The following MGAT4C variants were observed in gnomAD, a reference collection of about 807,000 sequenced individuals.
The protein encoded by MGAT4C is MGAT4 family member C.
A neutral mutation model predicts 40.1 loss-of-function variants in MGAT4C; 19 were observed. The ratio of observed to expected loss-of-function variants is 0.47; its 90% CI spans 0.33 to 0.70. MGAT4C has a LOEUF of 0.70. Among genes scored for constraint, MGAT4C ranks in the 30% least tolerant of loss-of-function variants. MGAT4C has a pLI of 0.02. For missense variants in MGAT4C, 491 were observed against 563.2 expected, an observed-to-expected ratio of 0.87 and a Z score of 1.30; for synonymous variants, 181 against 187.1, an observed-to-expected ratio of 0.97 and a Z score of 0.27.
intron 2 of MGAT4C, among the ~76,000 whole-genome samples, chr12:86,619,436 GCACCTCCA>G (rs1962567951): frequency 6.6e-6 from 1 of 151,962 alleles, no homozygotes; most frequent in African/African-American, 2.4e-5. Context: ...CAAAATACTT[GCACCTCCA>G]CATAATTCTG....
At chr12:86,603,472 A>ATATAGTC (rs1277297334) in intron 2 of MGAT4C, among the ~76,000 whole-genome samples, 1 of 119,784 alleles carries the variant, frequency 8.3e-6, no homozygotes, top group East Asian at 2.5e-4. Context: ...TATATACTAT[A>ATATAGTC]TATAGTCTAT....
chr12:86,745,797 A>C (rs990231683), intron 1 of MGAT4C, among the ~76,000 whole-genome samples: 1 of 151,668 alleles, frequency 6.6e-6, no homozygotes, highest in African/African-American at 2.4e-5. Context: ...TTGTGTCAGA[A>C]TCAAGATATG....
chr12:86,590,500 T>G (rs573636968), intron 2 of MGAT4C, among the ~76,000 whole-genome samples: 1 of 152,152 alleles, frequency 6.6e-6, no homozygotes, highest in African/African-American at 2.4e-5. Context: ...AAAATGAGCC[T>G]ATGGCAGTCA....
chr12:86,776,364 G>GTT (rs571977855), intron 1 of MGAT4C, among the ~76,000 whole-genome samples: 1 of 149,458 alleles, frequency 6.7e-6, no homozygotes, highest in Non-Finnish European at 1.5e-5. Context: ...ACTTATAACA[G>GTT]TTTTTTTTTT....
At chr12:86,807,711 A>G (rs1489591050) in intron 1 of MGAT4C, among the ~76,000 whole-genome samples, 1 of 152,154 alleles carries the variant, frequency 6.6e-6, no homozygotes, top group Non-Finnish European at 1.5e-5. Flanking sequence ...ACTGTCGTCC[A>G]TAATGGTTGA....
intron 1 of MGAT4C, among the ~76,000 whole-genome samples, chr12:86,734,437 A>G (rs766147090): frequency 6.6e-6 from 1 of 152,050 alleles, no homozygotes; most frequent in Non-Finnish European, 1.5e-5. Context: ...TCTAATGGAA[A>G]GGGGCATAGT....
chr12:86,632,014 A>C (rs1963062185), intron 2 of MGAT4C, among the ~76,000 whole-genome samples: 1 of 152,120 alleles, frequency 6.6e-6, no homozygotes, highest in Admixed American at 6.5e-5. Flanking sequence ...CATCTGACAA[A>C]GGGCTAGTGT....
chr12:86,359,666 A>G (rs1397923242), intron 3 of MGAT4C, among the ~76,000 whole-genome samples: 4 of 152,254 alleles, frequency 2.6e-5, no homozygotes, highest in African/African-American at 9.6e-5. Flanking sequence ...ACAATCCCAC[A>G]GAAATACAAA....
In MGAT4C at chr12:86,507,509, T is replaced by G. The variant is rs185924362; in HGVS notation, c.-228-72244A>C. 1.6e-3 allele frequency among the ~76,000 whole-genome samples: 237 copies of G among 152,214 alleles called. 1 individual carries two copies. The highest frequency in any genetic ancestry group is 5.5e-3 in the African/African-American group (228 of 41,570). The stretch of plus-strand genomic sequence containing the variant: ...ATGAGTGTTTGGGTTTGTTCTCTAG[T>G]TTTTTGTCATTAACCCTGTGAAGAA... On this transcript the variant is annotated intron_variant, in intron 2 of 7. Transcript: ENST00000548651.
chr12:86,739,822 GTGTGTGTATATATATTTA>G (rs1317059265), intron 1 of MGAT4C, among the ~76,000 whole-genome samples: 2 of 150,446 alleles, frequency 1.3e-5, no homozygotes, highest in Non-Finnish European at 3.0e-5. Context: ...GTGTGTGCGT[GTGTGTGTATATATATTTA>G]TTTATGTATG....
rs1883327494 is a variant in MGAT4C at position 85,965,619 on chromosome 12, A to G, written c.*13670T>C. ...CTCAAAAAAAAAAAAAAAAAAAAAA[A>G]AGGACACTCTGAACAATTGAACAAG... On this transcript the variant is annotated 3_prime_UTR_variant, in exon 5 of 5. Transcript: ENST00000611864. 6.6e-6 allele frequency: 1 copy of G among 151,974 alleles called. No homozygotes were observed. Among genetic ancestry groups the G allele is most frequent in the South Asian group, 2.1e-4 (1 of 4,814 alleles). The allele number at this position is 151,974 out of a possible 1,614,324, so 9.4% of individuals were successfully genotyped here. A position where few individuals can be genotyped will look rare whatever the true frequency, so the allele number is the denominator to read the frequency against.
chr12:86,369,358 T>C lies in MGAT4C; in HGVS notation c.-119-35231A>G, dbSNP rs185119292. Among the ~76,000 whole-genome samples the C allele has an allele frequency of 3.9e-5, 6 of 152,116 alleles. No homozygotes were observed. In the East Asian group the frequency reaches 1.2e-3, roughly 29 times the overall value. ...ATGGTAATTATGGAACTGTAAGAAC[T>C]TACTATTGCCATTTTGTTGTTTTTG... On this transcript the variant is annotated intron_variant, in intron 3 of 7. Transcript: ENST00000548651.
intron 2 of MGAT4C, among the ~76,000 whole-genome samples, chr12:86,536,697 G>C (rs1959074960): frequency 6.6e-6 from 1 of 152,122 alleles, no homozygotes; most frequent in Non-Finnish European, 1.5e-5. Context: ...TTTCTATCCA[G>C]CAGAGACCTG....
intron 2 of MGAT4C, among the ~76,000 whole-genome samples, chr12:86,440,009 G>A (rs148667499): frequency 3.9e-5 from 6 of 151,952 alleles, no homozygotes; most frequent in African/African-American, 1.5e-4. Flanking sequence ...CAAAAGTTCA[G>A]GGTCAGATGG....
intron 1 of MGAT4C, among the ~76,000 whole-genome samples, chr12:86,245,614 C>T (rs890668520): frequency 1.3e-5 from 2 of 152,076 alleles, no homozygotes; most frequent in Admixed American, 6.6e-5. Context: ...TAGTATTGTG[C>T]CCAACTGTTC....
chr12:86,133,573 G>T (rs1007048966), intron 1 of MGAT4C, among the ~76,000 whole-genome samples: 2 of 152,118 alleles, frequency 1.3e-5, no homozygotes, highest in African/African-American at 4.8e-5. Flanking sequence ...ATTAATAACA[G>T]AATTAAGTCA....
chr12:86,201,879 T>C (rs1330021106), intron 1 of MGAT4C, among the ~76,000 whole-genome samples: 1 of 152,154 alleles, frequency 6.6e-6, no homozygotes, highest in South Asian at 2.1e-4. Context: ...GTCCACTAAA[T>C]TCATTGCTAT....
chr12:86,676,544 A>G (rs1037366228), intron 2 of MGAT4C, among the ~76,000 whole-genome samples: 1 of 152,190 alleles, frequency 6.6e-6, no homozygotes, highest in African/African-American at 2.4e-5. Context: ...TTTTAAGGAA[A>G]TACTGATGCT....
intron 3 of MGAT4C, among the ~76,000 whole-genome samples, chr12:86,391,635 G>C (rs1956161719): frequency 6.6e-6 from 1 of 152,048 alleles, no homozygotes; most frequent in African/African-American, 2.4e-5. Flanking sequence ...GAGGCGGGCG[G>C]ATAACCAGGT....
Sources: gnomAD v4.1 joint callset for allele counts (sites outside exome capture counted in the v4.1 genomes callset) on GRCh38, gnomAD v4.1.1 for gene constraint, MANE v1.5 for transcripts, NCBI Gene and HGNC (gene_info 2026-07-23, HGNC 2026-07-21) for gene names.